Variants in STX8 observed in about 807,000 individuals in gnomAD.
STX8 encodes the protein syntaxin-8.
STX8 carries 23 observed loss-of-function variants against 37.5 expected under a neutral mutation model. The observed-to-expected ratio is 0.61, with a 90% CI of 0.44 to 0.87. STX8 has a LOEUF of 0.87. Ranked by LOEUF, STX8 falls within the 40% of genes least tolerant of loss-of-function variation. STX8 has a pLI of 0.00. For missense variants in STX8, 313 were observed against 284.7 expected (o/e 1.10, Z -0.71); for synonymous variants, 115 against 99.1 (o/e 1.16, Z -0.95).
rs1308530000 is a variant in STX8, at chr17:9,571,938, G to A, written c.18-3468C>T. 2.6e-5 allele frequency among the ~76,000 whole-genome samples: 4 copies of A among 151,864 alleles called. No homozygotes were observed. The South Asian group carries it at 6.2e-4, about 24-fold the overall frequency. On this transcript the variant is annotated intron_variant, in intron 1 of 7. Transcript: ENST00000306357. ...TCAAAATTAAAAAAAAAAAAGGTGT[G>A]GAGGGTAGAGATGAAACAAGAATGG...
At chr17:9,426,342 C>T (rs62068374) in intron 6 of STX8, among the ~76,000 whole-genome samples, 78,500 of 151,558 alleles carry the variant, frequency 0.52, 21,035 homozygotes, top group African/African-American at 0.63. Flanking sequence ...GCCTGGCCAA[C>T]ATGGCGAAAC....
Position 9,570,383 on chromosome 17 carries a change from G to A in STX8, c.18-1913C>T, listed in dbSNP as rs114045928. Among the ~76,000 whole-genome samples the A allele has an allele frequency of 5.7e-3, 865 of 151,822 alleles. 9 individuals are homozygous for A. Among genetic ancestry groups the A allele is most frequent in the African/African-American group, 0.02 (824 of 41,370 alleles). ...ATCCTGAACCACTAACCACTATACT[G>A]TAAAGCAGCACCATTCATGTATATA... On this transcript the variant is annotated intron_variant, in intron 1 of 7. Transcript: ENST00000306357.
intron 7 of STX8, among the ~76,000 whole-genome samples, chr17:9,362,121 A>C (rs1255082034): frequency 2.0e-5 from 3 of 152,168 alleles, no homozygotes; most frequent in African/African-American, 4.8e-5. Flanking sequence ...ACTTGAGGTC[A>C]GGAGTTCAAG....
intron 5 of STX8, among the ~76,000 whole-genome samples, chr17:9,493,029 C>T (rs773797338): frequency 3.3e-5 from 5 of 151,020 alleles, no homozygotes; most frequent in Non-Finnish European, 7.4e-5. Context: ...ACCCAGGAAG[C>T]GGAGATTGCA....
At chr17:9,520,679 T>G (rs1314439199) in intron 4 of STX8, among the ~76,000 whole-genome samples, 1 of 152,202 alleles carries the variant, frequency 6.6e-6, no homozygotes, top group Non-Finnish European at 1.5e-5. Flanking sequence ...ATTTAAATTA[T>G]GATAATATCG....
intron 5 of STX8, among the ~76,000 whole-genome samples, chr17:9,499,849 G>A (rs1904548045): frequency 1.3e-5 from 2 of 152,216 alleles, no homozygotes; most frequent in African/African-American, 4.8e-5. Context: ...CTGTTTTGGA[G>A]ACTGTGACAA....
chr17:9,278,465 A>G (rs1161166083), intron 7 of STX8, among the ~76,000 whole-genome samples: 1 of 152,076 alleles, frequency 6.6e-6, no homozygotes, highest in Non-Finnish European at 1.5e-5. Flanking sequence ...AAAAAAAAAA[A>G]TAGAAACATA....
At chr17:9,490,411 G>A (rs1039292644) in intron 6 of STX8, among the ~76,000 whole-genome samples, 3 of 151,916 alleles carry the variant, frequency 2.0e-5, no homozygotes, top group East Asian at 3.9e-4. Flanking sequence ...TTGCTCTGTC[G>A]CCCAGGCTGG....
chr17:9,533,322 G>A (rs1905893044), intron 4 of STX8, among the ~76,000 whole-genome samples: 1 of 152,088 alleles, frequency 6.6e-6, no homozygotes, highest in African/African-American at 2.4e-5. Flanking sequence ...ACAAAAATGA[G>A]CTGGGCAGGG....
chr17:9,369,068 G>T (rs1387615479), intron 7 of STX8, among the ~76,000 whole-genome samples: 4 of 152,158 alleles, frequency 2.6e-5, no homozygotes, highest in African/African-American at 4.8e-5. Context: ...CTATAGGCGT[G>T]AGCCACTGTG....
chr17:9,350,407 G>A (rs966078559), intron 7 of STX8, among the ~76,000 whole-genome samples: 3 of 152,218 alleles, frequency 2.0e-5, no homozygotes, highest in African/African-American at 7.2e-5. Flanking sequence ...GGGAACTACT[G>A]TAATGAGAGC....
intron 4 of STX8, among the ~76,000 whole-genome samples, chr17:9,508,938 AC>A (rs1257337561): frequency 6.6e-6 from 1 of 152,158 alleles, no homozygotes; most frequent in Non-Finnish European, 1.5e-5. Context: ...AAAGTCAAAG[AC>A]AAAGAATTCT....
chr17:9,494,615 C>CAAAA lies in STX8; in HGVS notation c.449-2698_449-2695dup, dbSNP rs35806606. Among the ~76,000 whole-genome samples the CAAAA allele has an allele frequency of 2.5e-4, 16 of 64,310 alleles. 1 individual carries two copies. The highest frequency in any genetic ancestry group is 9.3e-4 in the African/African-American group (16 of 17,224). The allele number at this position is 64,310 out of a possible 152,430, so 42.2% of individuals were successfully genotyped here. ...TGGGTAACAGAGTGAGAACCTGTCT[C>CAAAA]AAAAAAAAAAAAAAAAAAAAAAAAA... On this transcript the variant is annotated intron_variant, in intron 5 of 7. Transcript: ENST00000306357.
At chr17:9,517,362 C>A (rs146030905) in intron 4 of STX8, among the ~76,000 whole-genome samples, 2,241 of 152,172 alleles carry the variant, frequency 0.015, 22 homozygotes, top group Middle Eastern at 0.037. Context: ...ATTTTTTCAG[C>A]AAAACCCATA....
At chr17:9,375,063 C>CAAAAAAAAAAAAAAAAAA (rs58594029) in intron 7 of STX8, among the ~76,000 whole-genome samples, 1 of 65,474 alleles carries the variant, frequency 1.5e-5, no homozygotes, top group African/African-American at 5.0e-5. Flanking sequence ...GACTCTGTCT[C>CAAAAAAAAAAAAAAAAAA]AAAAAAAAAA....
intron 7 of STX8, among the ~76,000 whole-genome samples, chr17:9,253,205 G>GGGGT (rs1470755965): frequency 3.8e-4 from 22 of 58,178 alleles, no homozygotes; most frequent in African/African-American, 1.1e-3. Flanking sequence ...GGCAGGGGTA[G>GGGGT]GGGTGTGTGT....
chr17:9,557,444 T>C lies in STX8; in HGVS notation c.202A>G (p.Thr68Ala), dbSNP rs753503349. 1.2e-6 allele frequency: 2 copies of C among 1,613,542 alleles called. No individual in the cohort carries two copies. Among genetic ancestry groups the C allele is most frequent in the South Asian group, 2.2e-5 (2 of 91,060 alleles). Reference protein sequence around the residue: ...LKDLLLRAVSTHQITQLEGDR... With the variant: ...LKDLLLRAVSAHQITQLEGDR... Reference sequence around the variant, plus strand: ...TGTTTACATGGATACATCTGATGTGTTGACACAGCTCTTAGCAATAAGTCC... The same window carrying C: ...TGTTTACATGGATACATCTGATGTGCTGACACAGCTCTTAGCAATAAGTCC... The change falls in exon 3 of 8, where the codon ACA becomes GCA. Residue 68 changes from threonine to alanine, a missense_variant. Transcript: ENST00000306357.
At chr17:9,420,976 G>A (rs1913403225) in intron 6 of STX8, among the ~76,000 whole-genome samples, 1 of 152,138 alleles carries the variant, frequency 6.6e-6, no homozygotes, top group Admixed American at 6.5e-5. Flanking sequence ...CGGGCTCTCT[G>A]ACCTCCCTTG....
At position 9,361,538 on chromosome 17, in the gene STX8, G is replaced by A. The variant is rs535086906; in HGVS notation, c.643+17014C>T. Among the ~76,000 whole-genome samples, 24 of 152,142 alleles carry A rather than the reference G, an allele frequency of 1.6e-4. 1 individual carries two copies. The highest frequency in any genetic ancestry group is 2.4e-4 in the Non-Finnish European group (16 of 68,022). On this transcript the variant is annotated intron_variant, in intron 7 of 7. Transcript: ENST00000306357. Reference sequence around the variant, plus strand: ...GCAGCAGGAGTAGGGATTTACTCACGGACAGAACAATCAATGTGGCCAACA... The same window carrying A: ...GCAGCAGGAGTAGGGATTTACTCACAGACAGAACAATCAATGTGGCCAACA...
Sources: gnomAD v4.1 joint callset for allele counts (sites outside exome capture counted in the v4.1 genomes callset) on GRCh38, gnomAD v4.1.1 for gene constraint, MANE v1.5 for transcripts, NCBI Gene and HGNC (gene_info 2026-07-23, HGNC 2026-07-21) for gene names.